Variants in TUSC3 observed in about 807,000 individuals in gnomAD.
TUSC3 encodes the protein tumor suppressor candidate 3.
In TUSC3, 45 loss-of-function variants were observed where a neutral mutation model predicts 44.8. The ratio of observed to expected loss-of-function variants is 1.00; its 90% CI spans 0.79 to 1.29. TUSC3 has a LOEUF of 1.29. Among genes scored for constraint, TUSC3 ranks in the 50% most tolerant of loss-of-function variants. The pLI, the probability that TUSC3 is intolerant of heterozygous loss-of-function variation, is 0.00. For synonymous variants in TUSC3, 212 were observed against 152.9 expected (o/e 1.39, Z -2.85); for missense variants, 519 against 437.9 (o/e 1.19, Z -1.65).
downstream of TUSC3, among the ~76,000 whole-genome samples, chr8:15,771,593 G>C (rs1347154664): frequency 6.6e-6 from 1 of 152,104 alleles, no homozygotes; most frequent in Non-Finnish European, 1.5e-5. Flanking sequence ...AAACTCTACA[G>C]TGTATAAATA....
the TUSC3 span, among the ~76,000 whole-genome samples, chr8:15,840,180 G>A: frequency 6.8e-4 from 104 of 152,108 alleles, no homozygotes; most frequent in Middle Eastern, 0.014. Context: ...TGAACAATGA[G>A]AACACTTGGA....
chr8:15,692,864 T>G (rs1157661844), intron 6 of TUSC3, among the ~76,000 whole-genome samples: 2 of 152,184 alleles, frequency 1.3e-5, no homozygotes, highest in African/African-American at 4.8e-5. Context: ...CATATATATT[T>G]AAGATAGTTA....
At chr8:15,462,803 G>A (rs137917352) in intron 1 of TUSC3, among the ~76,000 whole-genome samples, 10 of 152,060 alleles carry the variant, frequency 6.6e-5, no homozygotes, top group Admixed American at 6.6e-4. Context: ...CCAACAGTGA[G>A]CAGAAAGGAT....
the TUSC3 span, among the ~76,000 whole-genome samples, chr8:15,775,545 A>G: frequency 9.6e-4 from 146 of 151,962 alleles, 1 homozygote; most frequent in Middle Eastern, 6.8e-3. Context: ...TCAAGAAGAC[A>G]TGGTTCTCTT....
At chr8:15,554,115 A>G (rs1330876465) in intron 1 of TUSC3, among the ~76,000 whole-genome samples, 3 of 150,664 alleles carry the variant, frequency 2.0e-5, no homozygotes, top group African/African-American at 4.9e-5. Flanking sequence ...TCAAGGGACA[A>G]ACGAGCTCCC....
chr8:15,622,948 T>G (rs532453929), intron 1 of TUSC3, 132 bp from the exon 2 acceptor site: 1 of 927,130 alleles, frequency 1.1e-6, no homozygotes, highest in South Asian at 1.7e-5. Context: ...AGCAGAAATA[T>G]GGTCTTTTAT....
At chr8:15,590,074 C>T (rs560565134) in intron 1 of TUSC3, among the ~76,000 whole-genome samples, 6 of 152,246 alleles carry the variant, frequency 3.9e-5, no homozygotes, top group South Asian at 4.1e-4. Flanking sequence ...CTGTTAAAAG[C>T]ATCTGACTTA....
intron 6 of TUSC3, among the ~76,000 whole-genome samples, chr8:15,725,744 G>C (rs920379203): frequency 1.3e-5 from 2 of 152,106 alleles, no homozygotes; most frequent in Non-Finnish European, 2.9e-5. Flanking sequence ...ACAATTTGAA[G>C]TTTAGAGTAA....
chr8:15,556,592 A>G (rs1299925864), intron 1 of TUSC3, among the ~76,000 whole-genome samples: 2 of 147,450 alleles, frequency 1.4e-5, no homozygotes, highest in East Asian at 4.2e-4. Context: ...GACTTCCACA[A>G]TGGTTGAACT....
chr8:15,811,599 C>T, the TUSC3 span, among the ~76,000 whole-genome samples: 1 of 152,044 alleles, frequency 6.6e-6, no homozygotes, highest in African/African-American at 2.4e-5. Context: ...CACAAAGAAG[C>T]AAGTGAAAGG....
At chr8:15,458,453 G>C (rs1800292136) in intron 1 of TUSC3, among the ~76,000 whole-genome samples, 1 of 152,068 alleles carries the variant, frequency 6.6e-6, no homozygotes, top group Admixed American at 6.6e-5. Context: ...TGCGCAGGCT[G>C]GTCTCAAACT....
intron 1 of TUSC3, among the ~76,000 whole-genome samples, chr8:15,443,336 T>TTTTGTGTG (rs1403657390): frequency 9.0e-5 from 12 of 132,996 alleles, no homozygotes; most frequent in African/African-American, 2.9e-4. Flanking sequence ...ACCCACCTAA[T>TTTTGTGTG]TGTGTGTGTG....
chr8:15,434,102 A>C (rs1334883814), intron 1 of TUSC3, among the ~76,000 whole-genome samples: 1 of 152,212 alleles, frequency 6.6e-6, no homozygotes, highest in Non-Finnish European at 1.5e-5. Flanking sequence ...CATTTGCTCC[A>C]TATCTTTGCT....
chr8:15,569,100 A>G (rs1014972896), intron 1 of TUSC3, among the ~76,000 whole-genome samples: 1 of 152,164 alleles, frequency 6.6e-6, no homozygotes, highest in Non-Finnish European at 1.5e-5. Context: ...AAAATCAGTA[A>G]CAGTTTCCTT....
the TUSC3 span, among the ~76,000 whole-genome samples, chr8:15,802,340 T>G: frequency 3.9e-5 from 6 of 152,228 alleles, no homozygotes; most frequent in African/African-American, 1.4e-4. Flanking sequence ...GCATGGTGCT[T>G]AAGTAAATTA....
the TUSC3 span, among the ~76,000 whole-genome samples, chr8:15,802,608 T>G: frequency 3.3e-5 from 5 of 151,742 alleles, no homozygotes; most frequent in East Asian, 9.7e-4. Context: ...TCCTCATTTT[T>G]CCTCAAGAGG....
chr8:15,429,107 A>C (rs1021428716), intron 1 of TUSC3, among the ~76,000 whole-genome samples: 1 of 152,160 alleles, frequency 6.6e-6, no homozygotes, highest in Non-Finnish European at 1.5e-5. Flanking sequence ...CTTTAGGTCT[A>C]ACATGTAAGT....
intron 1 of TUSC3, among the ~76,000 whole-genome samples, chr8:15,581,912 C>T (rs1331146936): frequency 4.1e-5 from 6 of 146,110 alleles, no homozygotes; most frequent in Admixed American, 1.3e-4. Context: ...CCCAGCCTCG[C>T]TGCCGCCTTG....
At chr8:15,462,160 A>G (rs1800354713) in intron 1 of TUSC3, among the ~76,000 whole-genome samples, 2 of 152,216 alleles carry the variant, frequency 1.3e-5, no homozygotes, top group South Asian at 4.1e-4. Flanking sequence ...TCATAATAAT[A>G]ACTTTAGCAT....
Sources: gnomAD v4.1 joint callset for allele counts (sites outside exome capture counted in the v4.1 genomes callset) on GRCh38, gnomAD v4.1.1 for gene constraint, MANE v1.5 for transcripts, NCBI Gene and HGNC (gene_info 2026-07-23, HGNC 2026-07-21) for gene names.